KIF26B: variants seen among roughly 807,000 people sequenced by gnomAD.
The protein encoded by KIF26B is kinesin family member 26B.
KIF26B carries 63 observed loss-of-function variants against 151.2 expected under a neutral mutation model. The observed-to-expected ratio is 0.42, with a 90% CI of 0.34 to 0.51. KIF26B has a LOEUF of 0.51. Ranked by LOEUF, KIF26B falls within the 20% of genes least tolerant of loss-of-function variation. The pLI is 0.07. For missense variants in KIF26B, 2,813 were observed against 2,913.6 expected (o/e 0.97, Z 0.79); for synonymous variants, 1,357 against 1,262.1 (o/e 1.08, Z -1.59).
At chr1:245,447,391 T>G (rs1442269287) in intron 4 of KIF26B, among the ~76,000 whole-genome samples, 2 of 152,222 alleles carry the variant, frequency 1.3e-5, no homozygotes, top group African/African-American at 4.8e-5. Flanking sequence ...TAATAAGGAC[T>G]GCTATGGTCT....
At chr1:245,304,670 T>TA (rs1671502332) in intron 2 of KIF26B, among the ~76,000 whole-genome samples, 1 of 147,278 alleles carries the variant, frequency 6.8e-6, no homozygotes, top group Non-Finnish European at 1.5e-5. Flanking sequence ...TCTGCCTGTC[T>TA]GCCTGTCCAT....
At chr1:245,267,099 C>T (rs1670760514) in intron 2 of KIF26B, among the ~76,000 whole-genome samples, 1 of 152,218 alleles carries the variant, frequency 6.6e-6, no homozygotes, top group South Asian at 2.1e-4. Context: ...AAATGCTCAG[C>T]TCCTGCTATA....
At chr1:245,628,140 C>A (rs1455905618) in intron 9 of KIF26B, among the ~76,000 whole-genome samples, 1 of 152,188 alleles carries the variant, frequency 6.6e-6, no homozygotes, top group African/African-American at 2.4e-5. Context: ...ATGAGGCCAG[C>A]ATCATCCTGA....
chr1:245,620,675 T>G (rs1289339130), intron 9 of KIF26B, among the ~76,000 whole-genome samples: 2 of 152,222 alleles, frequency 1.3e-5, no homozygotes, highest in African/African-American at 4.8e-5. Context: ...GTGCTGGGAT[T>G]ACAGGTGTGA....
chr1:245,642,913 G>T (rs907759927), intron 9 of KIF26B, among the ~76,000 whole-genome samples: 3 of 152,146 alleles, frequency 2.0e-5, no homozygotes, highest in Non-Finnish European at 4.4e-5. Flanking sequence ...TCTTTCCCAG[G>T]AGGACACTGC....
At chr1:245,329,920 C>T (rs1016107403) in intron 2 of KIF26B, among the ~76,000 whole-genome samples, 3 of 152,160 alleles carry the variant, frequency 2.0e-5, no homozygotes, top group Non-Finnish European at 4.4e-5. Flanking sequence ...TCAAATTATC[C>T]TCCTCCCTTA....
intron 9 of KIF26B, among the ~76,000 whole-genome samples, chr1:245,621,010 C>T (rs910782811): frequency 3.3e-5 from 5 of 152,046 alleles, no homozygotes; most frequent in African/African-American, 1.2e-4. Flanking sequence ...CTGAACCTGG[C>T]CAGGTGGTAA....
At chr1:245,184,818 T>C (rs1181771210) in intron 2 of KIF26B, among the ~76,000 whole-genome samples, 3 of 152,230 alleles carry the variant, frequency 2.0e-5, no homozygotes, top group Non-Finnish European at 1.5e-5. Context: ...TGAATTGTTT[T>C]TGGCGAGTGT....
Position 245,419,706 on chromosome 1 carries a change from C to A in KIF26B, c.1127C>A (p.Thr376Asn). The change falls in exon 4 of 15, where the codon ACT becomes AAT. Residue 376 changes from threonine to asparagine, a missense_variant. This residue lies in a region of KIF26B where 676 missense variants were observed against 688.1 expected (regional missense o/e 0.98). Transcript: ENST00000407071. ...CAGGGCTCCTGCGTGGCCAGCGAGACTTCCACAGGCACATCGGTGGCCGCC... is the reference window on the plus strand; with the variant it reads ...CAGGGCTCCTGCGTGGCCAGCGAGAATTCCACAGGCACATCGGTGGCCGCC... ...ASQGSCVASE[T>N]STGTSVAASF... 6.2e-7 allele frequency: 1 copy of A among 1,613,416 alleles called. No homozygotes were observed. Among genetic ancestry groups the A allele is most frequent in the Non-Finnish European group, 8.5e-7 (1 of 1,179,608 alleles).
intron 4 of KIF26B, among the ~76,000 whole-genome samples, chr1:245,422,471 A>T (rs1158321299): frequency 6.6e-6 from 1 of 152,206 alleles, no homozygotes; most frequent in Non-Finnish European, 1.5e-5. Context: ...GTCAAGAGGC[A>T]GAACCAGGGA....
At chr1:245,581,315 G>A (rs1402735216) in intron 5 of KIF26B, among the ~76,000 whole-genome samples, 1 of 152,192 alleles carries the variant, frequency 6.6e-6, no homozygotes, top group Non-Finnish European at 1.5e-5. Context: ...TTCCAACCAA[G>A]AGCTATTGAT....
At chr1:245,316,464 G>T (rs1412630429) in intron 2 of KIF26B, among the ~76,000 whole-genome samples, 1 of 152,072 alleles carries the variant, frequency 6.6e-6, no homozygotes, top group African/African-American at 2.4e-5. Context: ...CCCCAAATGA[G>T]ACTAATTTTG....
At chr1:245,349,112 C>T (rs58354431) in intron 2 of KIF26B, among the ~76,000 whole-genome samples, 7,421 of 152,224 alleles carry the variant, frequency 0.049, 471 homozygotes, top group East Asian at 0.26. Context: ...ATGGCTCTAT[C>T]GCACAACTGG....
chr1:245,260,590 T>G (rs377632871), intron 2 of KIF26B, among the ~76,000 whole-genome samples: 4 of 152,378 alleles, frequency 2.6e-5, no homozygotes, highest in African/African-American at 9.6e-5. Context: ...TGGAGGCATG[T>G]GTACCGGTTT....
intron 4 of KIF26B, among the ~76,000 whole-genome samples, chr1:245,525,283 G>T (rs557237572): frequency 7.2e-5 from 11 of 152,230 alleles, no homozygotes; most frequent in Non-Finnish European, 1.2e-4. Context: ...CACGTAGGAA[G>T]TGAAGAATCT....
intron 4 of KIF26B, among the ~76,000 whole-genome samples, chr1:245,422,486 C>T (rs909461356): frequency 2.0e-5 from 3 of 152,132 alleles, no homozygotes; most frequent in African/African-American, 2.4e-5. Context: ...CAGGGATGTA[C>T]CTGACAGTTA....
At chr1:245,569,965 T>TTGCTCTGTCGCCCAGGCTGGAG (rs1415579220) in intron 5 of KIF26B, among the ~76,000 whole-genome samples, 1 of 129,914 alleles carries the variant, frequency 7.7e-6, no homozygotes, top group Non-Finnish European at 1.6e-5. Flanking sequence ...AGACGGAGTC[T>TTGCTCTGTCGCCCAGGCTGGAG]TGCTCTGTCG....
intron 10 of KIF26B, among the ~76,000 whole-genome samples, chr1:245,666,822 T>C (rs1219572146): frequency 6.6e-6 from 1 of 152,052 alleles, no homozygotes; most frequent in Non-Finnish European, 1.5e-5. Flanking sequence ...TCTGGAGACC[T>C]TTGTACCTGT....
intron 2 of KIF26B, among the ~76,000 whole-genome samples, chr1:245,295,926 T>C (rs1671328688): frequency 6.6e-6 from 1 of 152,136 alleles, no homozygotes; most frequent in African/African-American, 2.4e-5. Context: ...AGAACTTGAG[T>C]TGGCCTGACA....
Sources: allele counts gnomAD v4.1 joint callset (sites outside exome capture counted in the v4.1 genomes callset), GRCh38; gene constraint gnomAD v4.1.1; regional missense constraint gnomAD v4.1.1; transcripts MANE v1.5; gene names NCBI Gene and HGNC (gene_info 2026-07-23, HGNC 2026-07-21).